PIK3C2B: variants seen among roughly 807,000 people sequenced by gnomAD.
The protein encoded by PIK3C2B is phosphatidylinositol-4-phosphate 3-kinase catalytic subunit type 2 beta, also known as phosphatidylinositol 4-phosphate 3-kinase C2 domain-containing subunit beta.
Under a neutral mutation model 184.3 loss-of-function variants are expected in PIK3C2B, and 83 were observed. That is an observed-to-expected ratio of 0.45 (90% CI 0.38 to 0.54). PIK3C2B has a LOEUF of 0.54. Ranked by LOEUF, PIK3C2B falls within the 20% of genes least tolerant of loss-of-function variation. The pLI, the probability that PIK3C2B is intolerant of heterozygous loss-of-function variation, is 0.00. For missense variants in PIK3C2B, 1,736 were observed against 2,113.5 expected, an observed-to-expected ratio of 0.82 and a Z score of 3.50; for synonymous variants, 779 against 837.6, an observed-to-expected ratio of 0.93 and a Z score of 1.21.
intron 1 of PIK3C2B, among the ~76,000 whole-genome samples, chr1:204,484,060 G>A (rs893475156): frequency 5.3e-5 from 8 of 152,214 alleles, no homozygotes; most frequent in Non-Finnish European, 8.8e-5. Flanking sequence ...CTGTAGCAAC[G>A]GGAGTGAGGG....
chr1:204,463,420 C>T (rs1572361106), intron 5 of PIK3C2B, among the ~76,000 whole-genome samples: 1 of 152,162 alleles, frequency 6.6e-6, no homozygotes, highest in Non-Finnish European at 1.5e-5. Flanking sequence ...AAGGGGGTTG[C>T]CTCAGCTGGT....
Position 204,469,574 on chromosome 1 carries a change from C to A in PIK3C2B, c.229G>T (p.Asp77Tyr). The A allele has an allele frequency of 6.3e-7, 1 of 1,592,684 alleles. No homozygotes were observed. Among genetic ancestry groups the A allele is most frequent in the Non-Finnish European group, 8.6e-7 (1 of 1,168,270 alleles). Residue 77 changes from aspartate (D) to tyrosine (Y), a missense_variant, in exon 2 of 33, where the codon GAC becomes TAC. By Grantham distance (160) the Asp-to-Tyr change is radical. Coordinates refer to ENST00000684373, the MANE Select transcript of PIK3C2B (RefSeq NM_001377334.1). ...GAGAGACCGCGTAACAGCTTGAGGTCGGTCCGCCTTCCTGCTGGCTTGCTG... is the reference window on the plus strand; with the variant it reads ...GAGAGACCGCGTAACAGCTTGAGGTAGGTCCGCCTTCCTGCTGGCTTGCTG... ...FYSKPAGRRT[D>Y]LKLLRGLSGS... is the part of the protein sequence containing the mutation.
At chr1:204,488,372 A>C (rs903577592) in intron 1 of PIK3C2B, among the ~76,000 whole-genome samples, 1 of 152,222 alleles carries the variant, frequency 6.6e-6, no homozygotes, top group Admixed American at 6.5e-5. Context: ...TCCTTCTCAA[A>C]CTTTCCTTGC....
intron 8 of PIK3C2B, 53 bp downstream of exon 8, chr1:204,459,825 G>T: frequency 7.0e-7 from 1 of 1,433,960 alleles, no homozygotes; most frequent in South Asian, 1.1e-5. Flanking sequence ...GACTGAGGAA[G>T]GGGAGAGGAG....
At chr1:204,432,492 G>T in intron 26 of PIK3C2B, 91 bp from the exon 27 acceptor site, 1 of 946,958 alleles carries the variant, frequency 1.1e-6, no homozygotes, top group Non-Finnish European at 1.7e-6. Context: ...CCTGACTCCT[G>T]AGACTAACAA....
At chr1:204,452,805 C>T (rs1238176741) in intron 12 of PIK3C2B, among the ~76,000 whole-genome samples, 1 of 151,620 alleles carries the variant, frequency 6.6e-6, no homozygotes, top group African/African-American at 2.4e-5. Context: ...CAGATGCACG[C>T]CACCACACTC....
chr1:204,456,905 CACCCACA>C (rs1654904922), intron 10 of PIK3C2B, 125 bp downstream of exon 10: 14 of 135,668 alleles, frequency 1.0e-4, no homozygotes, highest in African/African-American at 5.8e-4. Context: ...CACACACACA[CACCCACA>C]CACACACACA....
At chr1:204,451,303 G>A (rs1233002437) in intron 12 of PIK3C2B, among the ~76,000 whole-genome samples, 4 of 152,100 alleles carry the variant, frequency 2.6e-5, no homozygotes, top group Admixed American at 6.5e-5. Flanking sequence ...TTCACCCAAG[G>A]AAGAAGCTTC....
At chr1:204,482,119 G>C (rs200682635) in intron 1 of PIK3C2B, among the ~76,000 whole-genome samples, 16 of 24,336 alleles carry the variant, frequency 6.6e-4, no homozygotes, top group South Asian at 2.0e-3. Context: ...CGGGGGGGGG[G>C]GGGGGGGTGC....
At chr1:204,464,422 CA>C (rs1375498047) in intron 4 of PIK3C2B, 27 bp downstream of exon 4, 4 of 1,600,508 alleles carry the variant, frequency 2.5e-6, no homozygotes, top group African/African-American at 1.3e-5. Context: ...AAGGGATGCT[CA>C]CATCCTCTCC....
rs553072923 is a variant in PIK3C2B, at chr1:204,443,650, G to T, written c.2868-53C>A. 128 of 1,531,940 alleles carry T rather than the reference G, an allele frequency of 8.4e-5. 1 individual carries two copies. The South Asian group carries it at 1.3e-3, about 16-fold the overall frequency. The allele number at this position is 1,531,940 out of a possible 1,614,324, so 94.9% of individuals were successfully genotyped here. On this transcript the variant is annotated intron_variant, in intron 18 of 32. Transcript: ENST00000684373. ...GGGCACTCCAGGGATCAAAGGCAAGGGTACAGGGGGAGACAGAGTCAGGCC... is the reference window on the plus strand; with the variant it reads ...GGGCACTCCAGGGATCAAAGGCAAGTGTACAGGGGGAGACAGAGTCAGGCC...
Position 204,438,929 on chromosome 1 carries a change from C to T in PIK3C2B, c.3516+6G>A, listed in dbSNP as rs1214362015. 6.2e-7 allele frequency: 1 copy of T among 1,612,898 alleles called. No individual in the cohort carries two copies. The highest frequency in any genetic ancestry group is 1.7e-5 in the Admixed American group (1 of 60,018). ...CACCAGACGCACTCCCCACCCACAACCCTACCTTCTCATACTCGTCCTCCC... is the reference window on the plus strand; with the variant it reads ...CACCAGACGCACTCCCCACCCACAATCCTACCTTCTCATACTCGTCCTCCC... On this transcript the variant is annotated splice_donor_region_variant and intron_variant, in intron 23 of 32. Transcript: ENST00000684373.
rs1042486083 is a variant in PIK3C2B at position 204,440,468 on chromosome 1, A to G, written c.3250-147T>C. ...CTGACCTGCTCACTCAGCTCACACC[A>G]GGTCAAAGATGGCCCAGGAAGCTTC... On this transcript the variant is annotated intron_variant, in intron 21 of 32. Transcript: ENST00000684373. 1.2e-5 allele frequency: 9 copies of G among 747,266 alleles called. No individual in the cohort carries two copies. In the South Asian group the frequency reaches 1.6e-4, roughly 13 times the overall value. The allele number at this position is 747,266 out of a possible 1,614,324, so 46.3% of individuals were successfully genotyped here. A position where few individuals can be genotyped will look rare whatever the true frequency, so the allele number is the denominator to read the frequency against.
chr1:204,456,028 C>T lies in PIK3C2B; in HGVS notation c.1771G>A (p.Ala591Thr), dbSNP rs190353079. ...AGCTCCACCAGGTCCAAGATGGCAG[C>T]GGTCAGGGCTTCCACGACCTTCTCT... ...NREKVVEALT[A>T]AILDLVELYC... Residue 591 changes from alanine (A) to threonine (T), a missense_variant, in exon 11 of 33, where the codon GCT becomes ACT. Ala to Thr is a moderately conservative substitution (Grantham distance 58). Around this residue, in one of 8 missense-constraint regions of PIK3C2B, gnomAD observed 609 missense variants for 699.2 expected, o/e 0.87. Transcript: ENST00000684373. The T allele has an allele frequency of 1.5e-5, 24 of 1,613,460 alleles. No homozygotes were observed. The highest frequency in any genetic ancestry group is 4.4e-5 in the South Asian group (4 of 91,014).
At chr1:204,450,284 C>T (rs369780596) in intron 12 of PIK3C2B, among the ~76,000 whole-genome samples, 12 of 152,310 alleles carry the variant, frequency 7.9e-5, no homozygotes, top group East Asian at 7.7e-4. Context: ...TGAAGCTACC[C>T]GTGGTGCCTG....
rs1558257293 is a variant in PIK3C2B at position 204,456,908 on chromosome 1, C to CACCCACACA, written c.1747+128_1747+129insTGTGTGGGT. The CACCCACACA allele has an allele frequency of 5.5e-4, 119 of 215,086 alleles. 2 individuals are homozygous for CACCCACACA. Among genetic ancestry groups the CACCCACACA allele is most frequent in the African/African-American group, 3.0e-3 (107 of 36,230 alleles). 13.3% of individuals were successfully genotyped at this position (215,086 alleles called of 1,614,324 possible). A position where few individuals can be genotyped will look rare whatever the true frequency, so the allele number is the denominator to read the frequency against. ...CACACACACACACACACACACACAC[C>CACCCACACA]CACACACACACACACACCAGCCGAA... On this transcript the variant is annotated intron_variant, in intron 10 of 32. Coordinates refer to ENST00000684373, the MANE Select transcript of PIK3C2B (RefSeq NM_001377334.1).
chr1:204,449,353 T>G, intron 13 of PIK3C2B, 57 bp from the exon 14 acceptor site: 1 of 1,283,740 alleles, frequency 7.8e-7, no homozygotes, highest in Non-Finnish European at 1.1e-6. Flanking sequence ...AGAATATTTC[T>G]ACTGCTCCCC....
At chr1:204,485,077 C>T (rs1286906234) in intron 1 of PIK3C2B, among the ~76,000 whole-genome samples, 1 of 149,570 alleles carries the variant, frequency 6.7e-6, no homozygotes, top group Non-Finnish European at 1.5e-5. Flanking sequence ...GAGACAAGGT[C>T]TCACTCTGCC....
At chr1:204,445,512 G>A (rs1487310990) in intron 16 of PIK3C2B, among the ~76,000 whole-genome samples, 1 of 151,760 alleles carries the variant, frequency 6.6e-6, no homozygotes, top group Non-Finnish European at 1.5e-5. Context: ...TGGGGCAGGA[G>A]GAGTGCTTGA....
Sources: gnomAD v4.1 joint callset for allele counts (sites outside exome capture counted in the v4.1 genomes callset) on GRCh38, gnomAD v4.1.1 for gene constraint, gnomAD v4.1.1 regional missense constraint, MANE v1.5 for transcripts, NCBI Gene and HGNC (gene_info 2026-07-23, HGNC 2026-07-21) for gene names.